The following ATXN7L2 variants were observed in gnomAD, a reference collection of about 807,000 sequenced individuals.
ATXN7L2 encodes ataxin-7-like protein 2.
In ATXN7L2, 17 loss-of-function variants were observed where a neutral mutation model predicts 59.6. The observed-to-expected ratio is 0.29, with a 90% CI of 0.20 to 0.43. ATXN7L2 has a LOEUF of 0.43. ATXN7L2 is among the 20% of genes least tolerant of loss of function. The pLI is 1.00. For synonymous variants in ATXN7L2, 378 were observed against 392.5 expected (o/e 0.96, Z 0.44); for missense variants, 858 against 1,008.9 (o/e 0.85, Z 2.03).
intron 1 of ATXN7L2, among the ~76,000 whole-genome samples, chr1:109,484,410 C>G (rs755241283): frequency 2.0e-5 from 3 of 152,086 alleles, no homozygotes; most frequent in South Asian, 2.1e-4. Flanking sequence ...CCAGCTTTCC[C>G]TGTCCGCAAC....
rs1299657747 is a variant in ATXN7L2 at position 109,488,383 on chromosome 1, G to A, written c.797G>A (p.Arg266Gln). Residue 266 changes from arginine (R) to glutamine (Q), a missense_variant and splice_region_variant, in exon 6 of 11, where the codon CGG (arginine) becomes CAG (glutamine). Physicochemically the swap from Arg to Gln is conservative, Grantham distance 43. This residue lies in a region of ATXN7L2 where 734 missense variants were observed against 862.3 expected (regional missense o/e 0.85). Coordinates refer to ENST00000683729, the MANE Select transcript of ATXN7L2 (RefSeq NM_001350175.2). This position sits in a 1 kb window ranked among gnomAD's most constrained non-coding sequence, Gnocchi z 5.0. ...TTCATTGGAAGTGCTTTCCCCACAG[G>A]GAAGGAGTGCGACCTCAACAGGCAG... is the stretch of plus-strand genomic sequence containing the variant. ...LPPKTHRKMARKECDLNRQCG... is the reference protein window; with the variant it reads ...LPPKTHRKMAQKECDLNRQCG... 2 of 1,597,568 alleles carry A rather than the reference G, an allele frequency of 1.3e-6. No homozygotes were observed. Among genetic ancestry groups the A allele is most frequent in the Non-Finnish European group, 1.7e-6 (2 of 1,169,734 alleles).
At chr1:109,489,880 C>CTTG in intron 7 of ATXN7L2, 50 bp from the exon 8 acceptor site, 1 of 1,604,816 alleles carries the variant, frequency 6.2e-7, no homozygotes, top group Non-Finnish European at 8.5e-7. Flanking sequence ...TGCCCCTACT[C>CTTG]TGACCCCACA....
rs776964829 is a variant in ATXN7L2 at position 109,486,519 on chromosome 1, C to T, written c.207C>T (p.Phe69=). ...MTLIKEDMSI[F]GHCPAHDDFY... The stretch of plus-strand genomic sequence containing the variant: ...CTGTCATTGCAGACATGTCCATCTT[C>T]GGGCACTGCCCTGCCCATGATGACT... The change falls in exon 3 of 11, where the codon TTC becomes TTT. Residue 69 remains phenylalanine (F), a synonymous_variant. Transcript: ENST00000683729. The surrounding 1 kb of genome is among the most constrained non-coding windows in gnomAD (Gnocchi z 4.3). 7 of 1,612,640 alleles carry T rather than the reference C, an allele frequency of 4.3e-6. No individual in the cohort carries two copies. Among genetic ancestry groups the T allele is most frequent in the South Asian group, 3.3e-5 (3 of 91,028 alleles).
chr1:109,488,930 C>T lies in ATXN7L2; in HGVS notation c.963C>T (p.Ser321=), dbSNP rs1656796112. The T allele has an allele frequency of 6.2e-7, 1 of 1,614,036 alleles. No homozygotes were observed. The highest frequency in any genetic ancestry group is 1.7e-5 in the Admixed American group (1 of 60,004). Residue 321 remains serine (S), a synonymous_variant, in exon 7 of 11, where the codon TCC becomes TCT. Transcript: ENST00000683729. The surrounding 1 kb of genome is among the most constrained non-coding windows in gnomAD (Gnocchi z 5.0). ...TGGTGGCAGAGCTGAAGGCCAACTCCCGCAAAGGGGAGTCTCCCAAGGAGA... is the reference window on the plus strand; with the variant it reads ...TGGTGGCAGAGCTGAAGGCCAACTCTCGCAAAGGGGAGTCTCCCAAGGAGA... ...DVLVAELKAN[S]RKGESPKEKS...
Position 109,486,961 on chromosome 1 carries a change from G to GGT in ATXN7L2, c.299-44_299-43dup. On this transcript the variant is annotated intron_variant, in intron 3 of 10. Transcript: ENST00000683729. The surrounding 1 kb of genome is among the most constrained non-coding windows in gnomAD (Gnocchi z 4.3). The stretch of plus-strand genomic sequence containing the variant: ...ACATGGTTAGGTTGGGGAAGGAAGT[G>GGT]GTGATACCACTCACCTTGATTATTC... 1 of 1,490,804 alleles carries GGT rather than the reference G, an allele frequency of 6.7e-7. No homozygotes were observed. Among genetic ancestry groups the GGT allele is most frequent in the Non-Finnish European group, 9.0e-7 (1 of 1,107,582 alleles). 92.3% of individuals were successfully genotyped at this position (1,490,804 alleles called of 1,614,324 possible).
In ATXN7L2 at chr1:109,487,718, G is replaced by T; in HGVS notation, c.710G>T (p.Gly237Val). 6.2e-7 allele frequency: 1 copy of T among 1,613,490 alleles called. No individual in the cohort carries two copies. The highest frequency in any genetic ancestry group is 8.5e-7 in the Non-Finnish European group (1 of 1,179,776). Residue 237 changes from glycine to valine, a missense_variant, in exon 5 of 11, where the codon GGG (glycine) becomes GTG (valine). Gly to Val is a moderately radical substitution (Grantham distance 109). This residue lies in a region of ATXN7L2 where 734 missense variants were observed against 862.3 expected (regional missense o/e 0.85). Transcript: ENST00000683729. The part of the protein sequence containing the change: ...RENIEIIPSE[G>V]SSHWAEGSPP... ...AACATCGAGATCATCCCCAGTGAGG[G>T]GTCCAGTCACTGGGCTGAAGGCAGC...
At chr1:109,490,156 AG>A in intron 8 of ATXN7L2, 28 bp downstream of exon 8, 1 of 1,564,226 alleles carries the variant, frequency 6.4e-7, no homozygotes, top group Non-Finnish European at 8.7e-7. Flanking sequence ...GGGCCTATGG[AG>A]GGGGTGGCCC....
At chr1:109,489,592 G>C in intron 7 of ATXN7L2, 1 of 393,716 alleles carries the variant, frequency 2.5e-6, no homozygotes, top group Non-Finnish European at 4.6e-6. Context: ...ATGCAAGAAG[G>C]GGGTTGAGCG....
rs1047242323 is a variant in ATXN7L2 at position 109,492,310 on chromosome 1, C to T, written c.2251-276C>T. The stretch of plus-strand genomic sequence containing the variant: ...CTGGTGTAGTGTGCTATGTGCTCTC[C>T]ATATGATCTCTGCCAGGAGGGACTT... On this transcript the variant is annotated intron_variant, in intron 10 of 10. Coordinates refer to ENST00000683729, the MANE Select transcript of ATXN7L2 (RefSeq NM_001350175.2). Among the ~76,000 whole-genome samples, 10 of 152,174 alleles carry T rather than the reference C, an allele frequency of 6.6e-5. 1 individual carries two copies. Among genetic ancestry groups the T allele is most frequent in the Admixed American group, 5.2e-4 (8 of 15,282 alleles).
chr1:109,489,116 A>G lies in ATXN7L2; in HGVS notation c.1133+16A>G, dbSNP rs1656823352. The G allele has an allele frequency of 6.2e-7, 1 of 1,601,234 alleles. No homozygotes were observed. Among genetic ancestry groups the G allele is most frequent in the Non-Finnish European group, 8.5e-7 (1 of 1,170,358 alleles). Reference sequence around the variant, plus strand: ...CACTGCCCAGGTACGTCTAGAATCCAACCCCTACCTCACCTGGGGGTACTT... The same window carrying G: ...CACTGCCCAGGTACGTCTAGAATCCGACCCCTACCTCACCTGGGGGTACTT... On this transcript the variant is annotated intron_variant, in intron 7 of 10. Transcript: ENST00000683729.
At position 109,486,667 on chromosome 1, in the gene ATXN7L2, C is replaced by T; in HGVS notation, c.298+57C>T. On this transcript the variant is annotated intron_variant, in intron 3 of 10. Coordinates refer to ENST00000683729, the MANE Select transcript of ATXN7L2 (RefSeq NM_001350175.2). This position sits in a 1 kb window ranked among gnomAD's most constrained non-coding sequence, Gnocchi z 4.3. ...ACAGGGGAAGGTGGAGCATGGAACT[C>T]TGAGGACAGGGTCAGTTGGGAGGTC... 1.4e-6 allele frequency: 2 copies of T among 1,463,448 alleles called. No homozygotes were observed. The allele number at this position is 1,463,448 out of a possible 1,614,324, so 90.7% of individuals were successfully genotyped here.
intron 10 of ATXN7L2, 61 bp from the exon 11 acceptor site, chr1:109,492,525 G>C (rs1657178785): frequency 1.2e-6 from 2 of 1,609,180 alleles, no homozygotes; most frequent in Non-Finnish European, 1.7e-6. Flanking sequence ...ACAGTTCACT[G>C]GGTAGGACAG....
chr1:109,491,256 G>A lies in ATXN7L2; in HGVS notation c.1789G>A (p.Val597Met), dbSNP rs772471110. ...KSSKGKDGVE[V>M]EAPSRKRKLS... Reference sequence around the variant, plus strand: ...ATCCAAAGGCAAGGACGGGGTGGAGGTGGAGGCCCCTTCTCGAAAGCGGAA... The same window carrying A: ...ATCCAAAGGCAAGGACGGGGTGGAGATGGAGGCCCCTTCTCGAAAGCGGAA... Residue 597 changes from valine to methionine, a missense_variant, in exon 10 of 11, where the codon GTG becomes ATG. Val to Met is a conservative substitution (Grantham distance 21). Coordinates refer to ENST00000683729, the MANE Select transcript of ATXN7L2 (RefSeq NM_001350175.2). The surrounding 1 kb of genome is among the most constrained non-coding windows in gnomAD (Gnocchi z 4.1). 10 of 1,614,130 alleles carry A rather than the reference G, an allele frequency of 6.2e-6. No homozygotes were observed. The Admixed American group carries it at 1.5e-4, about 24-fold the overall frequency.
chr1:109,488,317 C>T lies in ATXN7L2; in HGVS notation c.797-66C>T, dbSNP rs1008470736. The T allele has an allele frequency of 1.7e-5, 25 of 1,454,934 alleles. No homozygotes were observed. Among genetic ancestry groups the T allele is most frequent in the East Asian group, 9.8e-5 (4 of 40,728 alleles). The allele number at this position is 1,454,934 out of a possible 1,614,324, so 90.1% of individuals were successfully genotyped here. A position where few individuals can be genotyped will look rare whatever the true frequency, so the allele number is the denominator to read the frequency against. ...CAGTTCTCAGGCCCTTGGCAGGAAG[C>T]GGCCAAATCCTCCTGTAAACTCCTG... On this transcript the variant is annotated intron_variant, in intron 5 of 10. Coordinates refer to ENST00000683729, the MANE Select transcript of ATXN7L2 (RefSeq NM_001350175.2). The surrounding 1 kb of genome is among the most constrained non-coding windows in gnomAD (Gnocchi z 5.0).
In ATXN7L2 at chr1:109,488,602, G is replaced by GC; in HGVS notation, c.879+137_879+138insC. The GC allele has an allele frequency of 1.8e-6, 2 of 1,087,302 alleles. No homozygotes were observed. Among genetic ancestry groups the GC allele is most frequent in the Non-Finnish European group, 2.7e-6 (2 of 753,968 alleles). 67.4% of individuals were successfully genotyped at this position (1,087,302 alleles called of 1,614,324 possible). A position where few individuals can be genotyped will look rare whatever the true frequency, so the allele number is the denominator to read the frequency against. On this transcript the variant is annotated intron_variant, in intron 6 of 10. Coordinates refer to ENST00000683729, the MANE Select transcript of ATXN7L2 (RefSeq NM_001350175.2). This position sits in a 1 kb window ranked among gnomAD's most constrained non-coding sequence, Gnocchi z 5.0. ...CAGTTAGGCCCACCCAAGGGAAGGG[G>GC]AGATGGGTATGCCCCTCCTGGGCAG...
At chr1:109,492,390 C>T (rs1657163880) in intron 10 of ATXN7L2, among the ~76,000 whole-genome samples, 196 bp from the exon 11 acceptor site, 1 of 152,184 alleles carries the variant, frequency 6.6e-6, no homozygotes, top group Non-Finnish European at 1.5e-5. Context: ...TAATCATAAA[C>T]CCTGTGTGTT....
At chr1:109,490,202 G>T in intron 8 of ATXN7L2, 69 bp from the exon 9 acceptor site, 1 of 1,588,726 alleles carries the variant, frequency 6.3e-7, no homozygotes, top group South Asian at 1.1e-5. Context: ...GAGGAGGCCA[G>T]ATCCTGTGTG....
rs749559056 is a variant in ATXN7L2, at chr1:109,487,123, C to T, written c.415C>T (p.Pro139Ser). ...TGGGCAGGGCCCAGCTTGTAGGGCC[C>T]CAGGTTCCACGAAAACCTCCTCCAG... is the stretch of plus-strand genomic sequence containing the variant. ...VNGQGPACRA[P>S]GSTKTSSREK... is the part of the protein sequence containing the mutation. Residue 139 changes from proline (P) to serine (S), a missense_variant, in exon 4 of 11, where the codon CCA (proline) becomes TCA (serine). Pro to Ser is a moderately conservative substitution (Grantham distance 74). Coordinates refer to ENST00000683729, the MANE Select transcript of ATXN7L2 (RefSeq NM_001350175.2). 6.8e-6 allele frequency: 11 copies of T among 1,611,300 alleles called. No homozygotes were observed. In the Admixed American group the frequency reaches 1.7e-4, roughly 25 times the overall value.
At position 109,486,175 on chromosome 1, in the gene ATXN7L2, C is replaced by G; in HGVS notation, c.193+53C>G. On this transcript the variant is annotated intron_variant, in intron 2 of 10. Transcript: ENST00000683729. This position sits in a 1 kb window ranked among gnomAD's most constrained non-coding sequence, Gnocchi z 4.3. ...GACCCAGGGCAGACAGGACCACGCT[C>G]CACTTTTCCACCACACTACAGAAGG... The G allele has an allele frequency of 6.6e-7, 1 of 1,508,296 alleles. No homozygotes were observed. The highest frequency in any genetic ancestry group is 1.4e-5 in the South Asian group (1 of 73,110). The allele number at this position is 1,508,296 out of a possible 1,614,324, so 93.4% of individuals were successfully genotyped here. A position where few individuals can be genotyped will look rare whatever the true frequency, so the allele number is the denominator to read the frequency against.
Sources: allele counts gnomAD v4.1 joint callset (sites outside exome capture counted in the v4.1 genomes callset), GRCh38; gene constraint gnomAD v4.1.1; regional missense constraint gnomAD v4.1.1; non-coding constraint Gnocchi (gnomAD v3.1); transcripts MANE v1.5; gene names NCBI Gene and HGNC (gene_info 2026-07-23, HGNC 2026-07-21).